Variants in HDGFL2 observed in about 807,000 individuals in gnomAD.
HDGFL2 encodes the protein HDGF like 2, also known as hepatoma-derived growth factor-related protein 2.
In HDGFL2, 36 loss-of-function variants were observed where a neutral mutation model predicts 77.1. The ratio of observed to expected loss-of-function variants is 0.47; its 90% CI spans 0.36 to 0.62. The LOEUF is 0.62. Ranked by LOEUF, HDGFL2 falls within the 20% of genes least tolerant of loss-of-function variation. HDGFL2 has a pLI of 0.00. For missense variants in HDGFL2, 976 were observed against 973.4 expected, an observed-to-expected ratio of 1.00 and a Z score of -0.04; for synonymous variants, 463 against 413.1, an observed-to-expected ratio of 1.12 and a Z score of -1.46.
At chr19:4,475,111 G>A (rs899466567) in intron 1 of HDGFL2, 164 bp from the exon 2 acceptor site, 1 of 633,308 alleles carries the variant, frequency 1.6e-6, no homozygotes, top group Non-Finnish European at 2.8e-6. Flanking sequence ...TTGCAGTGAA[G>A]GGTACACAGA....
intron 1 of HDGFL2, among the ~76,000 whole-genome samples, chr19:4,472,963 ACT>A (rs1450494026): frequency 2.1e-5 from 3 of 140,584 alleles, no homozygotes; most frequent in Non-Finnish European, 4.6e-5. Context: ...GGCCTGAGAG[ACT>A]CTCGCCCTTG....
intron 3 of HDGFL2, among the ~76,000 whole-genome samples, chr19:4,481,575 C>T (rs1239341592): frequency 2.6e-5 from 4 of 151,988 alleles, no homozygotes; most frequent in African/African-American, 9.7e-5. Context: ...ATCCACCCAA[C>T]TCGGCATCCC....
intron 4 of HDGFL2, among the ~76,000 whole-genome samples, chr19:4,489,670 G>A (rs1975457652): frequency 6.6e-6 from 1 of 152,140 alleles, no homozygotes; most frequent in African/African-American, 2.4e-5. Flanking sequence ...CCAAAGTGCT[G>A]GGATTACAGG....
intron 6 of HDGFL2, 84 bp from the exon 7 acceptor site, chr19:4,493,619 G>A: frequency 1.5e-6 from 2 of 1,320,708 alleles, no homozygotes; most frequent in African/African-American, 1.5e-5. Flanking sequence ...GGCTGCAGGG[G>A]TGCGGGAGCC....
At position 4,493,059 on chromosome 19, in the gene HDGFL2, GTGT is replaced by G. The variant is rs1283111822; in HGVS notation, c.679-640_679-638del. ...GGTGTGTGGTATCTGTGTGGTGTGT[GTGT>G]TGTCTGTGTGTGGTGTGTGTGTGTT... On this transcript the variant is annotated intron_variant, in intron 6 of 15. Transcript: ENST00000616600. Among the ~76,000 whole-genome samples, 5 of 131,924 alleles carry G rather than the reference GTGT, an allele frequency of 3.8e-5. No homozygotes were observed. The East Asian group carries it at 7.0e-4, about 19-fold the overall frequency. 86.5% of individuals were successfully genotyped at this position (131,924 alleles called of 152,430 possible).
chr19:4,486,236 G>C (rs1281478640), intron 3 of HDGFL2: 1 of 152,108 alleles, frequency 6.6e-6, no homozygotes, highest in East Asian at 1.9e-4. Flanking sequence ...GCTTGAGCTT[G>C]TTGTAACTGC....
At chr19:4,472,604 T>G in intron 1 of HDGFL2, among the ~76,000 whole-genome samples, 182 bp downstream of exon 1, 1 of 137,558 alleles carries the variant, frequency 7.3e-6, no homozygotes, top group Non-Finnish European at 1.6e-5. Context: ...CCTGGGGGTC[T>G]GGGGGTCCTG....
At chr19:4,499,129 C>T (rs1028483400) in intron 13 of HDGFL2, among the ~76,000 whole-genome samples, 19 of 152,022 alleles carry the variant, frequency 1.2e-4, no homozygotes, top group Non-Finnish European at 2.2e-4. Flanking sequence ...AGGCGGATCA[C>T]GAGGTCAGGA....
At position 4,475,190 on chromosome 19, in the gene HDGFL2, A is replaced by T. The variant is rs1568202310; in HGVS notation, c.73-85A>T. The T allele has an allele frequency of 5.0e-6, 6 of 1,207,112 alleles. No individual in the cohort carries two copies. In the East Asian group the frequency reaches 1.2e-4, roughly 24 times the overall value. 74.8% of individuals were successfully genotyped at this position (1,207,112 alleles called of 1,614,324 possible). A position where few individuals can be genotyped will look rare whatever the true frequency, so the allele number is the denominator to read the frequency against. ...TGAAGGCTCCCCTCCTCCCAGCGTGATTTGCCCCAAGTAACTTGGCTGATT... is the reference window on the plus strand; with the variant it reads ...TGAAGGCTCCCCTCCTCCCAGCGTGTTTTGCCCCAAGTAACTTGGCTGATT... On this transcript the variant is annotated intron_variant, in intron 1 of 15. Coordinates refer to ENST00000616600, the MANE Select transcript of HDGFL2 (RefSeq NM_001001520.3).
Position 4,502,123 on chromosome 19 carries a change from G to C in HDGFL2, c.*113G>C, listed in dbSNP as rs1328900846. 2.5e-6 allele frequency: 2 copies of C among 793,422 alleles called. No individual in the cohort carries two copies. Among genetic ancestry groups the C allele is most frequent in the Non-Finnish European group, 4.2e-6 (2 of 471,860 alleles). The allele number at this position is 793,422 out of a possible 1,614,324, so 49.1% of individuals were successfully genotyped here. A position where few individuals can be genotyped will look rare whatever the true frequency, so the allele number is the denominator to read the frequency against. On this transcript the variant is annotated 3_prime_UTR_variant, in exon 16 of 16. Transcript: ENST00000616600. Reference sequence around the variant, plus strand: ...GGGGAACGCTGTGCTGTTTGTATTTGTTCCCTTGGGTTTTTTTTTCCTGCC... The same window carrying C: ...GGGGAACGCTGTGCTGTTTGTATTTCTTCCCTTGGGTTTTTTTTTCCTGCC...
At chr19:4,482,055 T>C (rs960978476) in intron 3 of HDGFL2, among the ~76,000 whole-genome samples, 1 of 108,998 alleles carries the variant, frequency 9.2e-6, no homozygotes, top group African/African-American at 3.8e-5. Flanking sequence ...TTTTTTGAGA[T>C]GGAGTCTCGC....
At chr19:4,501,382 C>G in intron 15 of HDGFL2, 65 bp downstream of exon 15, 2 of 1,510,964 alleles carry the variant, frequency 1.3e-6, no homozygotes, top group South Asian at 1.3e-5. Context: ...CACCCTGGGT[C>G]CGAGCCGCTC....
intron 3 of HDGFL2, among the ~76,000 whole-genome samples, chr19:4,483,304 C>T (rs891479583): frequency 6.6e-6 from 1 of 152,252 alleles, no homozygotes; most frequent in Non-Finnish European, 1.5e-5. Context: ...TGCGGCTGTG[C>T]GCACGGAGGC....
At chr19:4,482,511 A>AT (rs949565127) in intron 3 of HDGFL2, among the ~76,000 whole-genome samples, 23 of 151,966 alleles carry the variant, frequency 1.5e-4, no homozygotes, top group African/African-American at 5.5e-4. Context: ...CCCAGCCATT[A>AT]TTTTTTTCAT....
At chr19:4,473,700 G>A (rs1481704550) in intron 1 of HDGFL2, among the ~76,000 whole-genome samples, 1 of 130,524 alleles carries the variant, frequency 7.7e-6, no homozygotes, top group African/African-American at 2.8e-5. Context: ...GGGGGTGGGG[G>A]AATGGGGCTC....
intron 3 of HDGFL2, among the ~76,000 whole-genome samples, chr19:4,476,809 G>T (rs571927436): frequency 6.6e-6 from 1 of 152,074 alleles, no homozygotes; most frequent in African/African-American, 2.4e-5. Context: ...TGAGTATTCT[G>T]GGGTGAGGTG....
rs1369649320 is a variant in HDGFL2, at chr19:4,488,720, C to T, written c.333C>T (p.Ala111=). Residue 111 remains alanine (A), a synonymous_variant, in exon 4 of 16, where the codon GCC becomes GCT. Coordinates refer to ENST00000616600, the MANE Select transcript of HDGFL2 (RefSeq NM_001001520.3). Reference sequence around the variant, plus strand: ...GCGAGGCCCCCGAGGCCAACCCCGCCGACGGCAGTGACGCTGACGAGGACG... The same window carrying T: ...GCGAGGCCCCCGAGGCCAACCCCGCTGACGGCAGTGACGCTGACGAGGACG... ...SDSEAPEANP[A]DGSDADEDDE... is the part of the protein sequence containing the mutation. 23 of 1,553,176 alleles carry T rather than the reference C, an allele frequency of 1.5e-5. No individual in the cohort carries two copies. Among genetic ancestry groups the T allele is most frequent in the East Asian group, 9.7e-5 (4 of 41,390 alleles).
At chr19:4,480,964 C>T (rs1975197673) in intron 3 of HDGFL2, among the ~76,000 whole-genome samples, 1 of 151,014 alleles carries the variant, frequency 6.6e-6, no homozygotes, top group East Asian at 2.0e-4. Flanking sequence ...TCAAGCTATT[C>T]TCCTGCTTTG....
rs1180681585 is a variant in HDGFL2, at chr19:4,494,383, G to A, written c.1132G>A (p.Asp378Asn). The change falls in exon 9 of 16, where the codon GAT (aspartate) becomes AAT (asparagine). Residue 378 changes from aspartate to asparagine, a missense_variant. Physicochemically the swap from Asp to Asn is conservative, Grantham distance 23. Transcript: ENST00000616600. ...CAGCGGGGACGAGCTCAGGGAGGAC[G>A]ATGAGCCCGTCAAGAAGCGGGGACG... The part of the protein sequence containing the change: ...GSSGDELRED[D>N]EPVKKRGRKG... 13 of 1,403,002 alleles carry A rather than the reference G, an allele frequency of 9.3e-6. No homozygotes were observed. The highest frequency in any genetic ancestry group is 1.2e-5 in the Non-Finnish European group (13 of 1,083,162). The allele number at this position is 1,403,002 out of a possible 1,614,324, so 86.9% of individuals were successfully genotyped here.
Sources: allele counts gnomAD v4.1 joint callset (sites outside exome capture counted in the v4.1 genomes callset), GRCh38; gene constraint gnomAD v4.1.1; transcripts MANE v1.5; gene names NCBI Gene and HGNC (gene_info 2026-07-23, HGNC 2026-07-21).